The following ROS1 variants were observed in gnomAD, a reference collection of about 807,000 sequenced individuals.
ROS1 encodes ROS proto-oncogene 1, receptor tyrosine kinase, also known as proto-oncogene tyrosine-protein kinase ROS.
ROS1 carries 263 observed loss-of-function variants against 273.5 expected under a neutral mutation model. The observed-to-expected ratio is 0.96, with a 90% CI of 0.87 to 1.06. The LOEUF (loss-of-function observed/expected upper bound fraction) is 1.06, where lower values mean the gene tolerates loss of function less well. ROS1 is among the 50% of genes least tolerant of loss of function. The pLI, the probability that ROS1 is intolerant of heterozygous loss-of-function variation, is 0.00. For missense variants in ROS1, 2,833 were observed against 2,751.1 expected, an observed-to-expected ratio of 1.03 and a Z score of -0.67; for synonymous variants, 1,008 against 954.1, an observed-to-expected ratio of 1.06 and a Z score of -1.04.
chr6:117,343,212 T>G lies in ROS1; in HGVS notation c.4507-668A>C, dbSNP rs116240184. ...AACAGACATGACCAGTGCTGCCAAG[T>G]CCAATCTTGGCCAGCCAAATGATCT... On this transcript the variant is annotated intron_variant, in intron 28 of 43. Coordinates refer to ENST00000368507, the MANE Select transcript of ROS1 (RefSeq NM_001378902.1). Among the ~76,000 whole-genome samples, 588 of 152,262 alleles carry G rather than the reference T, an allele frequency of 3.9e-3. 1 individual carries two copies. The highest frequency in any genetic ancestry group is 0.013 in the African/African-American group (544 of 41,568).
chr6:117,318,179 C>T lies in ROS1; in HGVS notation c.5987+9G>A, dbSNP rs1341461333. On this transcript the variant is annotated intron_variant, in intron 38 of 43. Transcript: ENST00000368507. ...TACCCATACCAGGAGAAAATTATTT[C>T]AGAGCTACCTCATCAGATGTGCCTC... The T allele has an allele frequency of 6.2e-7, 1 of 1,610,028 alleles. No individual in the cohort carries two copies. Among genetic ancestry groups the T allele is most frequent in the Non-Finnish European group, 8.5e-7 (1 of 1,177,000 alleles).
intron 17 of ROS1, among the ~76,000 whole-genome samples, chr6:117,380,193 C>A (rs79372444): frequency 1.3e-5 from 2 of 152,046 alleles, no homozygotes; most frequent in Non-Finnish European, 2.9e-5. Context: ...TTAAAGTTGA[C>A]GACTACATCT....
At chr6:117,410,333 T>G (rs2128736232) in intron 4 of ROS1, among the ~76,000 whole-genome samples, 1 of 152,324 alleles carries the variant, frequency 6.6e-6, no homozygotes, top group South Asian at 2.1e-4. Flanking sequence ...AGTAAAATGA[T>G]GCTTAGGGAT....
intron 43 of ROS1, among the ~76,000 whole-genome samples, chr6:117,297,780 A>T (rs1275916292): frequency 5.3e-5 from 8 of 152,236 alleles, no homozygotes; most frequent in Non-Finnish European, 1.0e-4. Flanking sequence ...GGGAATGTAA[A>T]TTAATACAAC....
intron 1 of ROS1, among the ~76,000 whole-genome samples, chr6:117,422,442 T>C (rs1775826711): frequency 1.3e-5 from 2 of 152,234 alleles, no homozygotes; most frequent in Non-Finnish European, 1.5e-5. Context: ...TCACATTCTT[T>C]ATGTACATGG....
chr6:117,308,673 T>C, intron 42 of ROS1, 121 bp downstream of exon 42: 1 of 847,886 alleles, frequency 1.2e-6, no homozygotes, highest in Non-Finnish European at 1.8e-6. Flanking sequence ...TTATGTGGGG[T>C]ATACAATATT....
At position 117,310,976 on chromosome 6, in the gene ROS1, G is replaced by T. The variant is rs189180446; in HGVS notation, c.6215+44C>A. 4.0e-3 allele frequency: 4,892 copies of T among 1,224,220 alleles called. 28 individuals carry two copies. The highest frequency in any genetic ancestry group is 5.4e-3 in the Non-Finnish European group (4,525 of 841,376). 75.8% of individuals were successfully genotyped at this position (1,224,220 alleles called of 1,614,324 possible). On this transcript the variant is annotated intron_variant, in intron 40 of 43. Transcript: ENST00000368507. The stretch of plus-strand genomic sequence containing the variant: ...TTTACCTGCACTACAGGTGATTATT[G>T]TGCCAATATCCGTAATAACCCTGTA...
At chr6:117,391,868 T>C (rs149590367) in intron 12 of ROS1, among the ~76,000 whole-genome samples, 1 of 152,322 alleles carries the variant, frequency 6.6e-6, no homozygotes, top group East Asian at 1.9e-4. Flanking sequence ...ACTTATTTCA[T>C]AGGGTTGAAT....
chr6:117,323,767 C>A (rs562434988), intron 35 of ROS1, among the ~76,000 whole-genome samples: 1 of 152,014 alleles, frequency 6.6e-6, no homozygotes, highest in African/African-American at 2.4e-5. Flanking sequence ...AATTTTTCTG[C>A]CTTCCTGGTC....
chr6:117,423,084 C>A (rs1775878396), intron 1 of ROS1, among the ~76,000 whole-genome samples: 1 of 151,900 alleles, frequency 6.6e-6, no homozygotes. Flanking sequence ...ATCGTATGTT[C>A]TCACTGATAA....
At chr6:117,414,221 A>AG (rs1449137192) in intron 4 of ROS1, among the ~76,000 whole-genome samples, 1 of 152,172 alleles carries the variant, frequency 6.6e-6, no homozygotes, top group African/African-American at 2.4e-5. Context: ...CCCAGGGTCC[A>AG]GGGATTATAA....
intron 32 of ROS1, among the ~76,000 whole-genome samples, chr6:117,336,251 C>T (rs1289982228): frequency 6.6e-6 from 1 of 152,028 alleles, no homozygotes; most frequent in Non-Finnish European, 1.5e-5. Context: ...TGGTTTACTA[C>T]ACCTAGCAAA....
At chr6:117,337,129 T>G in intron 32 of ROS1, 43 bp downstream of exon 32, 2 of 1,505,482 alleles carry the variant, frequency 1.3e-6, no homozygotes, top group Non-Finnish European at 9.1e-7. Context: ...AGAAAAAAAC[T>G]GAAACACAGA....
rs1273000858 is a variant in ROS1, at chr6:117,396,182, C to A, written c.883+6G>T. 1 of 1,611,580 alleles carries A rather than the reference C, an allele frequency of 6.2e-7. No homozygotes were observed. The highest frequency in any genetic ancestry group is 8.5e-7 in the Non-Finnish European group (1 of 1,177,908). On this transcript the variant is annotated splice_donor_region_variant and intron_variant, in intron 9 of 43. Transcript: ENST00000368507. ...GTGTAGCTAAAGGAAGAAGCCTGACCCATACCTGCTGAAGATGAAGTGGTA... is the reference window on the plus strand; with the variant it reads ...GTGTAGCTAAAGGAAGAAGCCTGACACATACCTGCTGAAGATGAAGTGGTA...
In ROS1 at chr6:117,303,199, C is replaced by A. The variant is rs557490618; in HGVS notation, c.6552-2062G>T. Among the ~76,000 whole-genome samples the A allele has an allele frequency of 4.0e-4, 61 of 152,198 alleles. 1 individual carries two copies. In the South Asian group the frequency reaches 0.013, roughly 32 times the overall value. ...TTTTTTACTTTCTGGAGCTATATGG[C>A]AGATCAGGATCAGGGAGAGAGAACT... On this transcript the variant is annotated intron_variant, in intron 42 of 43. Transcript: ENST00000368507.
intron 4 of ROS1, among the ~76,000 whole-genome samples, chr6:117,410,924 G>A (rs1774852584): frequency 6.6e-6 from 1 of 152,054 alleles, no homozygotes; most frequent in African/African-American, 2.4e-5. Context: ...ACATATTTTA[G>A]TGAAGCCTTC....
intron 1 of ROS1, among the ~76,000 whole-genome samples, chr6:117,421,455 G>A (rs1775750885): frequency 6.6e-6 from 1 of 151,692 alleles, no homozygotes; most frequent in Non-Finnish European, 1.5e-5. Flanking sequence ...ATACCACTCT[G>A]CATGCTTTTG....
At chr6:117,325,012 A>G (rs1261406803) in intron 34 of ROS1, among the ~76,000 whole-genome samples, 1 of 152,164 alleles carries the variant, frequency 6.6e-6, no homozygotes. Context: ...CAGAAAAAGA[A>G]GAAAAGAAGA....
At chr6:117,346,890 CTCTG>C (rs1339802302) in intron 27 of ROS1, among the ~76,000 whole-genome samples, 2 of 151,096 alleles carry the variant, frequency 1.3e-5, no homozygotes, top group Non-Finnish European at 3.0e-5. Flanking sequence ...GTCCTCTCTG[CTCTG>C]TCTATTCGCC....
Sources: gnomAD v4.1 joint callset for allele counts (sites outside exome capture counted in the v4.1 genomes callset) on GRCh38, gnomAD v4.1.1 for gene constraint, MANE v1.5 for transcripts, NCBI Gene and HGNC (gene_info 2026-07-23, HGNC 2026-07-21) for gene names.